The following COL21A1 variants were observed in gnomAD, a reference collection of about 807,000 sequenced individuals.
The protein encoded by COL21A1 is collagen type XXI alpha 1 chain, also known as collagen alpha-1(XXI) chain.
Under a neutral mutation model 137.9 loss-of-function variants are expected in COL21A1, and 149 were observed. That is an observed-to-expected ratio of 1.08 (90% CI 0.95 to 1.24). The LOEUF is 1.24. COL21A1 is among the 50% of genes most tolerant of loss of function. COL21A1 has a pLI of 0.00. For synonymous variants in COL21A1, 456 were observed against 391.5 expected, an observed-to-expected ratio of 1.16 and a Z score of -1.95; for missense variants, 1,167 against 1,158.4, an observed-to-expected ratio of 1.01 and a Z score of -0.11.
At chr6:56,372,724 T>A (rs1049325943) in intron 1 of COL21A1, among the ~76,000 whole-genome samples, 1 of 152,230 alleles carries the variant, frequency 6.6e-6, no homozygotes, top group African/African-American at 2.4e-5. Flanking sequence ...TGTCTGTCTC[T>A]CCATCTCTTG....
At chr6:56,262,549 T>A (rs1763304147) in intron 1 of COL21A1, among the ~76,000 whole-genome samples, 3 of 152,310 alleles carry the variant, frequency 2.0e-5, no homozygotes, top group Admixed American at 2.0e-4. Context: ...AAGGAGAATG[T>A]ATTTTAATTA....
intron 16 of COL21A1, among the ~76,000 whole-genome samples, chr6:56,104,859 A>G (rs1770747676): frequency 6.6e-6 from 1 of 152,122 alleles, no homozygotes; most frequent in African/African-American, 2.4e-5. Flanking sequence ...ATTTACCCCA[A>G]AAAAATAAAA....
chr6:56,260,632 GA>G (rs1763234730), intron 1 of COL21A1, among the ~76,000 whole-genome samples: 1 of 38,690 alleles, frequency 2.6e-5, no homozygotes, highest in African/African-American at 1.3e-4. Context: ...AGAGAGGAAG[GA>G]AGGAAGGAAG....
chr6:56,393,994 C>G (rs1324212942), exon 1 of COL21A1: 1 of 152,316 alleles, frequency 6.6e-6, no homozygotes, highest in African/African-American at 2.4e-5. Flanking sequence ...TCACAGAAGT[C>G]GGCCAGCTAA....
chr6:56,384,768 T>TA (rs1234893228), intron 1 of COL21A1, among the ~76,000 whole-genome samples: 1 of 152,180 alleles, frequency 6.6e-6, no homozygotes, highest in Non-Finnish European at 1.5e-5. Context: ...TAATAACACT[T>TA]ATAAGCCACT....
intron 1 of COL21A1, among the ~76,000 whole-genome samples, chr6:56,236,817 C>A (rs1451347934): frequency 2.0e-5 from 3 of 151,996 alleles, no homozygotes; most frequent in South Asian, 2.1e-4. Flanking sequence ...CTACTCATTG[C>A]TCCTCTTGTT....
chr6:56,391,602 A>G (rs2094029785), intron 1 of COL21A1, among the ~76,000 whole-genome samples: 1 of 152,084 alleles, frequency 6.6e-6, no homozygotes, highest in South Asian at 2.1e-4. Flanking sequence ...AAAAAAGGAG[A>G]TAGTAAAACG....
intron 1 of COL21A1, among the ~76,000 whole-genome samples, chr6:56,318,787 C>A (rs1011986970): frequency 1.3e-5 from 2 of 152,068 alleles, no homozygotes; most frequent in African/African-American, 4.8e-5. Context: ...TAAATTTTCC[C>A]ATCTTAAAGA....
At chr6:56,226,649 CTTAAT>C (rs1256531193) in intron 1 of COL21A1, among the ~76,000 whole-genome samples, 1 of 151,984 alleles carries the variant, frequency 6.6e-6, no homozygotes, top group African/African-American at 2.4e-5. Flanking sequence ...ATTTTCCTAA[CTTAAT>C]TTATCTTGAA....
rs761600487 is a variant in COL21A1 at position 56,059,157 on chromosome 6, A to T, written c.2686+8T>A. On this transcript the variant is annotated splice_region_variant and intron_variant, in intron 29 of 29. Transcript: ENST00000244728. ...CAGTAACACTTATGAGCAGGTAGCA[A>T]TTCTCACCTGGGGGACCAGGAGGAC... The T allele has an allele frequency of 1.9e-6, 3 of 1,610,278 alleles. No individual in the cohort carries two copies. The highest frequency in any genetic ancestry group is 1.7e-6 in the Non-Finnish European group (2 of 1,177,408).
Position 56,126,158 on chromosome 6 carries a change from A to G in COL21A1, c.1543-9T>C, listed in dbSNP as rs764732817. 12 of 1,536,046 alleles carry G rather than the reference A, an allele frequency of 7.8e-6. No individual in the cohort carries two copies. The Admixed American group carries it at 1.8e-4, about 23-fold the overall frequency. ...GGAAGTCCACGATCACCCTGAAAAT[A>G]AAACTGAAATTAATTACAAAGAAAA... On this transcript the variant is annotated splice_polypyrimidine_tract_variant and intron_variant, in intron 12 of 29. Transcript: ENST00000244728.
At position 56,075,830 on chromosome 6, in the gene COL21A1, A is replaced by G. The variant is rs575711717; in HGVS notation, c.1858-298T>C. 2.6e-5 allele frequency among the ~76,000 whole-genome samples: 4 copies of G among 151,574 alleles called. No homozygotes were observed. The East Asian group carries it at 7.8e-4, about 30-fold the overall frequency. On this transcript the variant is annotated intron_variant, in intron 18 of 29. Coordinates refer to ENST00000244728, the MANE Select transcript of COL21A1 (RefSeq NM_030820.4). ...AACAGAAATAAAAATCAGGTGAAAAATTTTTCTATTTATCATAGAGTTTAA... is the reference window on the plus strand; with the variant it reads ...AACAGAAATAAAAATCAGGTGAAAAGTTTTTCTATTTATCATAGAGTTTAA...
chr6:56,226,446 C>T (rs1391188775), intron 1 of COL21A1, among the ~76,000 whole-genome samples: 1 of 151,988 alleles, frequency 6.6e-6, no homozygotes, highest in Admixed American at 6.6e-5. Context: ...TATCATGAAA[C>T]ATTTTTAAAA....
intron 1 of COL21A1, among the ~76,000 whole-genome samples, chr6:56,366,649 G>C (rs1475062272): frequency 6.6e-6 from 1 of 152,166 alleles, no homozygotes; most frequent in Non-Finnish European, 1.5e-5. Context: ...CTCTACTCTT[G>C]AGGCCCTGTG....
chr6:56,214,321 C>A (rs1216840224), intron 1 of COL21A1, among the ~76,000 whole-genome samples: 1 of 152,064 alleles, frequency 6.6e-6, no homozygotes, highest in Non-Finnish European at 1.5e-5. Flanking sequence ...TTTATCCATC[C>A]TATCATGAAT....
At chr6:56,274,013 C>T (rs1763586158) in intron 1 of COL21A1, among the ~76,000 whole-genome samples, 1 of 152,164 alleles carries the variant, frequency 6.6e-6, no homozygotes, top group Admixed American at 6.5e-5. Flanking sequence ...CCCAGTAGCA[C>T]ATCAAAAAGA....
At chr6:56,066,946 A>C (rs1259814234) in intron 23 of COL21A1, among the ~76,000 whole-genome samples, 1 of 149,294 alleles carries the variant, frequency 6.7e-6, no homozygotes, top group Admixed American at 6.8e-5. Flanking sequence ...TCATTTTTGG[A>C]AACACACTGT....
intron 12 of COL21A1, among the ~76,000 whole-genome samples, chr6:56,133,120 C>T (rs1467975162): frequency 6.6e-6 from 1 of 152,142 alleles, no homozygotes; most frequent in Non-Finnish European, 1.5e-5. Context: ...GAGGTTGGAA[C>T]AGTTTGGAGG....
intron 13 of COL21A1, among the ~76,000 whole-genome samples, 162 bp from the exon 14 acceptor site, chr6:56,125,782 C>CT (rs1278005715): frequency 6.6e-6 from 1 of 151,716 alleles, no homozygotes; most frequent in Non-Finnish European, 1.5e-5. Flanking sequence ...CATTTCCAGG[C>CT]TTTATAAAGA....
Sources: gnomAD v4.1 joint callset for allele counts (sites outside exome capture counted in the v4.1 genomes callset) on GRCh38, gnomAD v4.1.1 for gene constraint, MANE v1.5 for transcripts, NCBI Gene and HGNC (gene_info 2026-07-23, HGNC 2026-07-21) for gene names.